Variants in SPECC1 observed in about 807,000 individuals in gnomAD.
SPECC1 encodes the protein sperm antigen with calponin homology and coiled-coil domains 1.
Under a neutral mutation model 104.1 loss-of-function variants are expected in SPECC1, and 62 were observed. The observed-to-expected ratio is 0.60, with a 90% CI of 0.49 to 0.74. The LOEUF (loss-of-function observed/expected upper bound fraction) is 0.74. SPECC1 is among the 30% of genes least tolerant of loss of function. The pLI is 0.00. For synonymous variants in SPECC1, 513 were observed against 501.6 expected (o/e 1.02, Z -0.30); for missense variants, 1,306 against 1,310.5 (o/e 1.00, Z 0.05).
chr17:20,031,705 A>T (rs993388707), intron 1 of SPECC1, among the ~76,000 whole-genome samples: 1 of 152,074 alleles, frequency 6.6e-6, no homozygotes, highest in Non-Finnish European at 1.5e-5. Context: ...TTTACTTTCT[A>T]TCTCTGAATT....
At chr17:20,239,824 A>G (rs1013966841) in intron 7 of SPECC1, among the ~76,000 whole-genome samples, 4 of 149,998 alleles carry the variant, frequency 2.7e-5, no homozygotes, top group Non-Finnish European at 5.9e-5. Flanking sequence ...ATTTTTGCCA[A>G]TAGGATAATC....
At chr17:20,048,196 T>C (rs1419694883) in intron 1 of SPECC1, among the ~76,000 whole-genome samples, 1 of 150,950 alleles carries the variant, frequency 6.6e-6, no homozygotes, top group African/African-American at 2.4e-5. Context: ...TGCAGTGGCG[T>C]GATCTCGGCT....
intron 3 of SPECC1, among the ~76,000 whole-genome samples, chr17:20,143,690 C>T (rs1358993790): frequency 6.6e-6 from 1 of 151,878 alleles, no homozygotes; most frequent in Non-Finnish European, 1.5e-5. Context: ...AAAAAAACAA[C>T]CAGTGTATGG....
At chr17:20,145,870 A>G (rs1378321277) in intron 3 of SPECC1, among the ~76,000 whole-genome samples, 2 of 152,208 alleles carry the variant, frequency 1.3e-5, no homozygotes, top group South Asian at 2.1e-4. Flanking sequence ...TTTAAGGTCT[A>G]GTTTATTATT....
At position 20,231,908 on chromosome 17, in the gene SPECC1, C is replaced by T; in HGVS notation, c.2145+77C>T. On this transcript the variant is annotated intron_variant, in intron 6 of 14. Transcript: ENST00000395527. Reference sequence around the variant, plus strand: ...CCGAGGTGTGGATCACTCTCTCTATCCTGCTTTCTCTTGGAACGTTTCCAC... The same window carrying T: ...CCGAGGTGTGGATCACTCTCTCTATTCTGCTTTCTCTTGGAACGTTTCCAC... 1.2e-5 allele frequency: 18 copies of T among 1,446,360 alleles called. No individual in the cohort carries two copies. In the South Asian group the frequency reaches 1.5e-4, roughly 12 times the overall value. The allele number at this position is 1,446,360 out of a possible 1,614,324, so 89.6% of individuals were successfully genotyped here.
chr17:20,316,321 C>T lies in SPECC1; in HGVS notation c.*2256C>T, dbSNP rs184266772. ...GGGAGGCAGTTGCTGTCTTGGGATA[C>T]CCGGAGTGGGAGTGGGTGTTTTCTG... On this transcript the variant is annotated 3_prime_UTR_variant, in exon 15 of 15. Transcript: ENST00000395527. 2 of 230,608 alleles carry T rather than the reference C, an allele frequency of 8.7e-6. No homozygotes were observed. The highest frequency in any genetic ancestry group is 1.1e-4 in the Admixed American group (2 of 17,670). The allele number at this position is 230,608 out of a possible 1,614,324, so 14.3% of individuals were successfully genotyped here.
chr17:20,239,001 G>C, intron 7 of SPECC1: 4 of 1,035,942 alleles, frequency 3.9e-6, no homozygotes, highest in Non-Finnish European at 4.6e-6. Flanking sequence ...GTCACATCAA[G>C]TAACTAGAAT....
At chr17:20,144,821 G>C (rs1408479432) in intron 3 of SPECC1, among the ~76,000 whole-genome samples, 2 of 152,166 alleles carry the variant, frequency 1.3e-5, no homozygotes, top group African/African-American at 4.8e-5. Flanking sequence ...GCAGTGGGCA[G>C]ATAATAGAGG....
rs868485771 is a variant in SPECC1 at position 20,314,701 on chromosome 17, A to C, written c.*636A>C. 0.036 allele frequency: 2,007 copies of C among 55,434 alleles called. 18 individuals are homozygous for C. Among genetic ancestry groups the C allele is most frequent in the African/African-American group, 0.16 (855 of 5,394 alleles). The allele number at this position is 55,434 out of a possible 1,614,324, so 3.4% of individuals were successfully genotyped here. A position where few individuals can be genotyped will look rare whatever the true frequency, so the allele number is the denominator to read the frequency against. On this transcript the variant is annotated 3_prime_UTR_variant, in exon 15 of 15. Transcript: ENST00000395527. ...ACCCTCCCTTCCCCCCTCCCCCCCC[A>C]AAAAAAAACAACAAAACACAAAAAA...
rs534631626 is a variant in SPECC1, at chr17:20,300,782, T to C, written c.3057+3705T>C. On this transcript the variant is annotated intron_variant, in intron 13 of 14. Coordinates refer to ENST00000395527, the MANE Select transcript of SPECC1 (RefSeq NM_001243439.2). ...GGCCCCTGCTCCCTACATGCAGGGT[T>C]GAATTTCTTCCCCAGACCAATCACC... Among the ~76,000 whole-genome samples, 3 of 152,306 alleles carry C rather than the reference T, an allele frequency of 2.0e-5. No homozygotes were observed. In the East Asian group the frequency reaches 5.8e-4, roughly 29 times the overall value.
chr17:20,310,299 T>C (rs1403730570), intron 14 of SPECC1, among the ~76,000 whole-genome samples: 2 of 152,266 alleles, frequency 1.3e-5, no homozygotes, highest in Non-Finnish European at 2.9e-5. Flanking sequence ...TTAAGTTCTT[T>C]GAGAAATCTC....
chr17:20,309,605 G>A (rs1435586382), intron 14 of SPECC1, among the ~76,000 whole-genome samples: 1 of 151,698 alleles, frequency 6.6e-6, no homozygotes, highest in Non-Finnish European at 1.5e-5. Context: ...TTATGTCCAT[G>A]ACTACCCAAT....
At chr17:20,266,306 G>A (rs959261975) in intron 12 of SPECC1, among the ~76,000 whole-genome samples, 16 of 152,294 alleles carry the variant, frequency 1.1e-4, no homozygotes, top group Admixed American at 9.1e-4. Context: ...GCTGGGGGCC[G>A]GGCGCGGTGA....
chr17:20,218,095 A>C (rs1472918714), intron 4 of SPECC1, among the ~76,000 whole-genome samples: 1 of 152,256 alleles, frequency 6.6e-6, no homozygotes. Flanking sequence ...GCTATTGCTA[A>C]GTATATATTG....
chr17:20,079,769 A>G (rs937286503), intron 1 of SPECC1, among the ~76,000 whole-genome samples: 3 of 152,214 alleles, frequency 2.0e-5, no homozygotes, highest in African/African-American at 7.2e-5. Context: ...GAGGAGGGAC[A>G]GTAAACACTG....
chr17:20,296,270 A>G (rs943717667), intron 12 of SPECC1, among the ~76,000 whole-genome samples: 1 of 152,192 alleles, frequency 6.6e-6, no homozygotes, highest in African/African-American at 2.4e-5. Flanking sequence ...CCATTTATTA[A>G]ATAGGGAATC....
intron 12 of SPECC1, among the ~76,000 whole-genome samples, chr17:20,264,142 G>A (rs965645281): frequency 2.6e-5 from 4 of 152,100 alleles, no homozygotes; most frequent in African/African-American, 4.8e-5. Context: ...TTTGAAAACC[G>A]GGAACCATGT....
At chr17:20,197,617 G>A (rs1178169018) in intron 3 of SPECC1, among the ~76,000 whole-genome samples, 1 of 152,144 alleles carries the variant, frequency 6.6e-6, no homozygotes, top group Non-Finnish European at 1.5e-5. Flanking sequence ...TAAAATTCCT[G>A]TTCCCTGGAA....
intron 14 of SPECC1, among the ~76,000 whole-genome samples, chr17:20,311,097 T>TG (rs11348423): frequency 1.6e-5 from 2 of 125,120 alleles, no homozygotes; most frequent in Non-Finnish European, 3.2e-5. Context: ...TAGACCTTAG[T>TG]GGGGTTTTTT....
Sources: allele counts gnomAD v4.1 joint callset (sites outside exome capture counted in the v4.1 genomes callset), GRCh38; gene constraint gnomAD v4.1.1; transcripts MANE v1.5; gene names NCBI Gene and HGNC (gene_info 2026-07-23, HGNC 2026-07-21).